The following LAMB1 variants were observed in gnomAD, a reference collection of about 807,000 sequenced individuals.
LAMB1 encodes the protein laminin subunit beta-1.
Under a neutral mutation model 222.3 loss-of-function variants are expected in LAMB1, and 121 were observed. The ratio of observed to expected loss-of-function variants is 0.54; its 90% CI spans 0.47 to 0.63. LAMB1 has a LOEUF of 0.63. Among genes scored for constraint, LAMB1 ranks in the 30% least tolerant of loss-of-function variants. The probability of loss-of-function intolerance (pLI) is 0.00; values close to 1 mark genes in which losing one functional copy is unlikely to be tolerated. For missense variants in LAMB1, 2,172 were observed against 2,240.8 expected (o/e 0.97, Z 0.62); for synonymous variants, 794 against 807.2 (o/e 0.98, Z 0.28).
chr7:107,934,929 G>A (rs1477537012), intron 27 of LAMB1, among the ~76,000 whole-genome samples: 4 of 148,978 alleles, frequency 2.7e-5, no homozygotes, highest in African/African-American at 7.4e-5. Context: ...AAGCGGGGGT[G>A]GGGGTGGGCT....
At chr7:107,931,268 A>T in intron 29 of LAMB1, 88 bp downstream of exon 29, 1 of 1,170,216 alleles carries the variant, frequency 8.5e-7, no homozygotes, top group Non-Finnish European at 1.2e-6. Flanking sequence ...GTCACTTAGT[A>T]CCCTGACAGA....
At chr7:107,973,788 G>A (rs1163585755) in intron 12 of LAMB1, among the ~76,000 whole-genome samples, 1 of 152,096 alleles carries the variant, frequency 6.6e-6, no homozygotes, top group East Asian at 1.9e-4. Flanking sequence ...TGGGATTACA[G>A]GCATGTGCCA....
In LAMB1 at chr7:107,940,022, A is replaced by C. The variant is rs1350695607; in HGVS notation, c.3728T>G (p.Leu1243Arg). The change falls in exon 25 of 34, where the codon CTG becomes CGG. Residue 1243 changes from leucine (L) to arginine (R), a missense_variant. Physicochemically the swap from Leu to Arg is moderately radical, Grantham distance 102. Coordinates refer to ENST00000222399, the MANE Select transcript of LAMB1 (RefSeq NM_002291.3). ...ILAQSPAAEP[L>R]KNIGNLFEEA... The stretch of plus-strand genomic sequence containing the variant: ...CTCAAAGAGATTCCCAATGTTTTTC[A>C]GTGGCTCTGCTGCGGGGCTCTGCGC... The C allele has an allele frequency of 6.2e-7, 1 of 1,613,996 alleles. No homozygotes were observed. The highest frequency in any genetic ancestry group is 8.5e-7 in the Non-Finnish European group (1 of 1,179,944).
intron 18 of LAMB1, 129 bp from the exon 19 acceptor site, chr7:107,959,963 G>T: frequency 7.9e-7 from 1 of 1,267,246 alleles, no homozygotes; most frequent in Non-Finnish European, 1.1e-6. Flanking sequence ...TCCCTATGAT[G>T]AGCGGAAGGG....
At chr7:107,932,628 T>C in intron 27 of LAMB1, 2 of 545,710 alleles carry the variant, frequency 3.7e-6, no homozygotes, top group Non-Finnish European at 3.3e-6. Flanking sequence ...GTTAAAATAC[T>C]ATATGAGCTC....
intron 21 of LAMB1, among the ~76,000 whole-genome samples, chr7:107,954,806 CAAA>C (rs961038584): frequency 3.3e-5 from 5 of 151,918 alleles, no homozygotes; most frequent in Admixed American, 1.3e-4. Context: ...CAAAACAAAA[CAAA>C]GAATTACAGA....
At chr7:107,932,657 C>A (rs1056797936) in intron 27 of LAMB1, 14 of 459,534 alleles carry the variant, frequency 3.0e-5, no homozygotes, top group African/African-American at 2.7e-4. Context: ...ATGCAAACAT[C>A]TGCTATATCA....
chr7:107,928,179 G>A lies in LAMB1; in HGVS notation c.4887+885C>T, dbSNP rs974331754. Among the ~76,000 whole-genome samples the A allele has an allele frequency of 5.3e-5, 8 of 152,174 alleles. No individual in the cohort carries two copies. The East Asian group carries it at 7.7e-4, about 15-fold the overall frequency. ...GGTGCTAGATCCCTATGAAAAATTCGTAATGAGTACTTTTAATATCTGGTA... is the reference window on the plus strand; with the variant it reads ...GGTGCTAGATCCCTATGAAAAATTCATAATGAGTACTTTTAATATCTGGTA... On this transcript the variant is annotated intron_variant, in intron 31 of 33. Transcript: ENST00000222399.
intron 24 of LAMB1, among the ~76,000 whole-genome samples, chr7:107,944,093 C>G (rs143760185): frequency 6.6e-5 from 10 of 152,310 alleles, no homozygotes; most frequent in Admixed American, 2.0e-4. Context: ...TTATAGTTTG[C>G]TTAGACAATT....
At chr7:107,994,750 G>T in intron 5 of LAMB1, 137 bp downstream of exon 5, 1 of 537,518 alleles carries the variant, frequency 1.9e-6, no homozygotes. Context: ...TTTAAAAACT[G>T]CTCAATTACC....
chr7:107,991,829 A>C (rs1305284218), intron 5 of LAMB1, among the ~76,000 whole-genome samples: 6 of 135,508 alleles, frequency 4.4e-5, no homozygotes, highest in African/African-American at 1.7e-4. Context: ...AATCGCTTGA[A>C]CCCGGGAGGT....
At chr7:107,968,632 G>T (rs1035672885) in intron 13 of LAMB1, among the ~76,000 whole-genome samples, 4 of 152,184 alleles carry the variant, frequency 2.6e-5, no homozygotes, top group Admixed American at 1.3e-4. Flanking sequence ...TGGTACCTTT[G>T]AAGATGGAGA....
At chr7:108,001,776 G>C (rs1174725726) in intron 2 of LAMB1, 43 bp from the exon 3 acceptor site, 1 of 1,604,914 alleles carries the variant, frequency 6.2e-7, no homozygotes, top group Non-Finnish European at 8.5e-7. Context: ...ACACAAGCAG[G>C]GAGTGGAGCC....
chr7:107,985,910 T>A, intron 7 of LAMB1, 112 bp downstream of exon 7: 1 of 780,762 alleles, frequency 1.3e-6, no homozygotes, highest in Non-Finnish European at 2.1e-6. Context: ...TGAGCAGAGA[T>A]CGCACCATTG....
intron 7 of LAMB1, among the ~76,000 whole-genome samples, chr7:107,981,403 G>T (rs1373181176): frequency 6.6e-6 from 1 of 151,054 alleles, no homozygotes; most frequent in East Asian, 1.9e-4. Flanking sequence ...AGCCGAGATT[G>T]TGCCATTGCA....
Position 107,924,214 on chromosome 7 carries a change from G to C in LAMB1, c.5224+16C>G, listed in dbSNP as rs764969681. 5 of 1,581,718 alleles carry C rather than the reference G, an allele frequency of 3.2e-6. No individual in the cohort carries two copies. The highest frequency in any genetic ancestry group is 4.3e-6 in the Non-Finnish European group (5 of 1,170,804). On this transcript the variant is annotated intron_variant, in intron 33 of 33. Transcript: ENST00000222399. ...TTAAAGTAATTTAAAAAATAAGCCT[G>C]TGTGAAAAGACCCACCTTTGAGCAG...
At chr7:107,971,697 T>C (rs1396763682) in intron 13 of LAMB1, among the ~76,000 whole-genome samples, 1 of 152,194 alleles carries the variant, frequency 6.6e-6, no homozygotes, top group Non-Finnish European at 1.5e-5. Flanking sequence ...TCTTGGTGAA[T>C]ACATTCTGGT....
intron 20 of LAMB1, 33 bp from the exon 21 acceptor site, chr7:107,955,663 C>T: frequency 1.9e-6 from 3 of 1,571,288 alleles, no homozygotes; most frequent in South Asian, 1.2e-5. Context: ...CAGGCCATGA[C>T]CCCACAGTTC....
chr7:107,955,635 A>G lies in LAMB1; in HGVS notation c.2691-5T>C. Reference sequence around the variant, plus strand: ...CCATAGTAACCAGCCAAGCACCTGCATCAGTCACAGAAGAGAACAGGCCAT... The same window carrying G: ...CCATAGTAACCAGCCAAGCACCTGCGTCAGTCACAGAAGAGAACAGGCCAT... On this transcript the variant is annotated splice_region_variant and splice_polypyrimidine_tract_variant and intron_variant, in intron 20 of 33. Coordinates refer to ENST00000222399, the MANE Select transcript of LAMB1 (RefSeq NM_002291.3). The G allele has an allele frequency of 6.2e-7, 1 of 1,610,994 alleles. No individual in the cohort carries two copies. Among genetic ancestry groups the G allele is most frequent in the Non-Finnish European group, 8.5e-7 (1 of 1,178,594 alleles).
Sources: allele counts gnomAD v4.1 joint callset (sites outside exome capture counted in the v4.1 genomes callset), GRCh38; gene constraint gnomAD v4.1.1; transcripts MANE v1.5; gene names NCBI Gene and HGNC (gene_info 2026-07-23, HGNC 2026-07-21).